The following HDAC9 variants were observed in gnomAD, a reference collection of about 807,000 sequenced individuals.
HDAC9 encodes the protein MEF-2 interacting transcription repressor (MITR) protein.
A neutral mutation model predicts 139.4 loss-of-function variants in HDAC9; 41 were observed. The observed-to-expected ratio is 0.29, with a 90% CI of 0.23 to 0.38. The LOEUF (loss-of-function observed/expected upper bound fraction) is 0.38, where lower values mean the gene tolerates loss of function less well. Among genes scored for constraint, HDAC9 ranks in the 10% least tolerant of loss-of-function variants. The pLI is 1.00. For missense variants in HDAC9, 1,147 were observed against 1,297.0 expected, an observed-to-expected ratio of 0.88 and a Z score of 1.78; for synonymous variants, 517 against 476.2, an observed-to-expected ratio of 1.09 and a Z score of -1.12.
At chr7:18,918,335 G>C (rs888243559) in intron 22 of HDAC9, among the ~76,000 whole-genome samples, 1 of 151,706 alleles carries the variant, frequency 6.6e-6, no homozygotes, top group Non-Finnish European at 1.5e-5. Context: ...GCTTGACATG[G>C]GGGGGATGGA....
intron 19 of HDAC9, among the ~76,000 whole-genome samples, chr7:18,830,475 T>C (rs1647924856): frequency 6.6e-6 from 1 of 152,200 alleles, no homozygotes; most frequent in Admixed American, 6.5e-5. Context: ...CAAGCCTTAA[T>C]AGTCTAAATC....
chr7:18,240,433 C>A (rs1320831977), intron 2 of HDAC9, among the ~76,000 whole-genome samples: 1 of 152,066 alleles, frequency 6.6e-6, no homozygotes, highest in East Asian at 1.9e-4. Flanking sequence ...AATTTGTAAT[C>A]CCCCAGTGTT....
Position 18,725,320 on chromosome 7 carries a change from A to G in HDAC9, c.1732-2260A>G, listed in dbSNP as rs540043769. ...AAATTGCACAGGGCCCCTGAAAGTC[A>G]TACTGCAGCCCTCGGAATGATATCT... On this transcript the variant is annotated intron_variant, in intron 12 of 25. Coordinates refer to ENST00000686413, the MANE Select transcript of HDAC9 (RefSeq NM_178425.4). Among the ~76,000 whole-genome samples the G allele has an allele frequency of 2.6e-5, 4 of 152,308 alleles. No individual in the cohort carries two copies. The South Asian group carries it at 8.3e-4, about 32-fold the overall frequency.
At chr7:18,767,871 A>G (rs1360664763) in intron 16 of HDAC9, among the ~76,000 whole-genome samples, 1 of 152,224 alleles carries the variant, frequency 6.6e-6, no homozygotes, top group African/African-American at 2.4e-5. Context: ...TGAAGTTTTC[A>G]AAGACTAAGG....
intron 1 of HDAC9, among the ~76,000 whole-genome samples, chr7:18,339,346 G>A (rs1265136751): frequency 2.0e-5 from 3 of 151,308 alleles, no homozygotes; most frequent in African/African-American, 7.3e-5. Flanking sequence ...TTCGTAAAGT[G>A]GAAGCTGAAG....
intron 6 of HDAC9, among the ~76,000 whole-genome samples, chr7:18,604,231 C>G (rs1286857539): frequency 2.6e-5 from 4 of 152,030 alleles, no homozygotes; most frequent in Non-Finnish European, 5.9e-5. Flanking sequence ...TGTTATTTTG[C>G]TATTCCCATT....
chr7:18,831,885 C>G (rs1037759356), intron 19 of HDAC9, among the ~76,000 whole-genome samples: 2 of 152,120 alleles, frequency 1.3e-5, no homozygotes, highest in African/African-American at 4.8e-5. Context: ...AATTACAGCG[C>G]CAATAGATGG....
intron 2 of HDAC9, among the ~76,000 whole-genome samples, chr7:18,189,393 C>G (rs1002508414): frequency 6.6e-6 from 1 of 152,042 alleles, no homozygotes; most frequent in Non-Finnish European, 1.5e-5. Context: ...ATAGGTGCAG[C>G]AAACCACCAT....
intron 16 of HDAC9, among the ~76,000 whole-genome samples, chr7:18,768,074 T>A (rs1207861319): frequency 6.6e-6 from 1 of 152,192 alleles, no homozygotes; most frequent in East Asian, 1.9e-4. Context: ...TTGCTTGTGA[T>A]TCTGCTTACT....
chr7:18,830,103 C>T (rs1795752453), intron 19 of HDAC9, among the ~76,000 whole-genome samples: 1 of 152,130 alleles, frequency 6.6e-6, no homozygotes, highest in South Asian at 2.1e-4. Context: ...TGTATTTTAA[C>T]GTGATGCATT....
In HDAC9 at chr7:18,789,840, A is replaced by G. The variant is rs114123217; in HGVS notation, c.2215-3505A>G. Among the ~76,000 whole-genome samples the G allele has an allele frequency of 1.1e-3, 174 of 152,148 alleles. 2 individuals carry two copies. The highest frequency in any genetic ancestry group is 4.1e-3 in the African/African-American group (169 of 41,528). On this transcript the variant is annotated intron_variant, in intron 16 of 25. Transcript: ENST00000686413. ...TGAACTCAACTGTTTTCTCTTACCT[A>G]TAGTTTTTTCCTACTGTCAAGATGT...
At chr7:18,502,620 A>G (rs1372668012) in intron 2 of HDAC9, 2 of 152,200 alleles carry the variant, frequency 1.3e-5, no homozygotes, top group East Asian at 1.9e-4. Flanking sequence ...TGAAGATAAT[A>G]TATCTGTTTA....
intron 12 of HDAC9, among the ~76,000 whole-genome samples, chr7:18,725,956 A>G (rs10249414): frequency 0.035 from 5,406 of 152,282 alleles, 330 homozygotes; most frequent in African/African-American, 0.12. Flanking sequence ...AATATGTGAA[A>G]TATACCTTCC....
chr7:18,351,032 C>T (rs1782808101), intron 1 of HDAC9, among the ~76,000 whole-genome samples: 1 of 152,150 alleles, frequency 6.6e-6, no homozygotes, highest in Admixed American at 6.6e-5. Context: ...TGTGACGGAG[C>T]CTCTGTGATT....
chr7:18,831,916 G>A (rs1326041876), intron 19 of HDAC9, among the ~76,000 whole-genome samples: 1 of 152,212 alleles, frequency 6.6e-6, no homozygotes, highest in Non-Finnish European at 1.5e-5. Context: ...CCTTTGTCCA[G>A]CAGTTTCAGC....
intron 1 of HDAC9, among the ~76,000 whole-genome samples, chr7:18,375,320 A>C: frequency 6.6e-6 from 1 of 152,074 alleles, no homozygotes; most frequent in East Asian, 1.9e-4. Context: ...AAATACAAAA[A>C]TTAGCTGGGC....
At chr7:18,752,618 T>G (rs536658271) in intron 14 of HDAC9, among the ~76,000 whole-genome samples, 1 of 152,130 alleles carries the variant, frequency 6.6e-6, no homozygotes, top group South Asian at 2.1e-4. Flanking sequence ...TCTTAGGTTA[T>G]CATTCTCTCC....
At chr7:18,503,420 C>T (rs956157571) in intron 2 of HDAC9, among the ~76,000 whole-genome samples, 5 of 151,620 alleles carry the variant, frequency 3.3e-5, no homozygotes, top group South Asian at 2.1e-4. Flanking sequence ...CAATACTAAA[C>T]GACCTACACT....
intron 12 of HDAC9, among the ~76,000 whole-genome samples, chr7:18,688,461 T>A (rs1212532854): frequency 6.6e-6 from 1 of 151,910 alleles, no homozygotes. Context: ...CCAATTATTT[T>A]AGAAATATTT....
Sources: gnomAD v4.1 joint callset for allele counts (sites outside exome capture counted in the v4.1 genomes callset) on GRCh38, gnomAD v4.1.1 for gene constraint, MANE v1.5 for transcripts, NCBI Gene and HGNC (gene_info 2026-07-23, HGNC 2026-07-21) for gene names.